UBAP2: variants seen among roughly 807,000 people sequenced by gnomAD.
The protein encoded by UBAP2 is ubiquitin associated protein 2.
UBAP2 carries 75 observed loss-of-function variants against 139.6 expected under a neutral mutation model. The observed-to-expected ratio is 0.54, with a 90% confidence interval of 0.45 to 0.65. The LOEUF (loss-of-function observed/expected upper bound fraction) is 0.65. Ranked by LOEUF, UBAP2 falls within the 30% of genes least tolerant of loss-of-function variation. The probability of loss-of-function intolerance (pLI) is 0.00; values close to 1 mark genes in which losing one functional copy is unlikely to be tolerated. For missense variants in UBAP2, 1,368 were observed against 1,369.6 expected (o/e 1.00, Z 0.02); for synonymous variants, 526 against 526.2 (o/e 1.00, Z 0.01).
chr9:33,975,751 G>A (rs529735371), intron 6 of UBAP2, among the ~76,000 whole-genome samples: 6 of 147,698 alleles, frequency 4.1e-5, no homozygotes, highest in Non-Finnish European at 8.9e-5. Context: ...GCAGTGAGCC[G>A]AGATCACAAC....
Position 33,943,586 on chromosome 9 carries a change from G to A in UBAP2, c.1549C>T (p.Pro517Ser). 6.2e-7 allele frequency: 1 copy of A among 1,613,780 alleles called. No individual in the cohort carries two copies. The highest frequency in any genetic ancestry group is 8.5e-7 in the Non-Finnish European group (1 of 1,179,912). Residue 517 changes from proline (P) to serine (S), a missense_variant, in exon 15 of 29, where the codon CCA (proline) becomes TCA (serine). By Grantham distance (74) the Pro-to-Ser change is moderately conservative. Coordinates refer to ENST00000379238, the MANE Select transcript of UBAP2 (RefSeq NM_001370062.2). ...CCAGGCATTTCCACTGCAGAAGCTGGGATCTGAAAAAGCAAAGCTGTCGTG... is the reference window on the plus strand; with the variant it reads ...CCAGGCATTTCCACTGCAGAAGCTGAGATCTGAAAAAGCAAAGCTGTCGTG... ...KRRIPPASKI[P>S]ASAVEMPGSA...
At chr9:33,939,171 T>C (rs1824860238) in intron 16 of UBAP2, among the ~76,000 whole-genome samples, 1 of 149,402 alleles carries the variant, frequency 6.7e-6, no homozygotes, top group Non-Finnish European at 1.5e-5. Flanking sequence ...CTTAATAACA[T>C]TATTTGATTT....
intron 2 of UBAP2, among the ~76,000 whole-genome samples, chr9:34,013,523 C>T (rs1472883090): frequency 6.6e-6 from 1 of 151,884 alleles, no homozygotes; most frequent in Non-Finnish European, 1.5e-5. Flanking sequence ...CATCATGCAA[C>T]CTGAATAGGT....
At chr9:33,931,709 TC>T (rs1236149550) in intron 19 of UBAP2, among the ~76,000 whole-genome samples, 3 of 152,142 alleles carry the variant, frequency 2.0e-5, no homozygotes, top group African/African-American at 7.2e-5. Flanking sequence ...GGACAGGATG[TC>T]CCTTTTCCAC....
At chr9:33,959,120 C>A (rs1472407087) in intron 10 of UBAP2, among the ~76,000 whole-genome samples, 1 of 151,752 alleles carries the variant, frequency 6.6e-6, no homozygotes, top group Non-Finnish European at 1.5e-5. Context: ...TGCACTCCAG[C>A]CTGGTGACAG....
intron 20 of UBAP2, 136 bp downstream of exon 20, chr9:33,927,661 C>G (rs1028221352): frequency 4.6e-6 from 4 of 866,542 alleles, no homozygotes; most frequent in Admixed American, 6.3e-5. Flanking sequence ...GGAGATTGGG[C>G]CTCAAGGTCA....
rs571025660 is a variant in UBAP2 at position 34,016,161 on chromosome 9, A to AGAG, written c.99+886_99+888dup. The stretch of plus-strand genomic sequence containing the variant: ...GGGAAGCAGAGCAAGGTGAAAGGGG[A>AGAG]GAGGAGGAGGAGGAGGAGGAAGAGG... On this transcript the variant is annotated intron_variant, in intron 2 of 28. Transcript: ENST00000379238. Among the ~76,000 whole-genome samples the AGAG allele has an allele frequency of 1.7e-3, 255 of 149,238 alleles. 1 individual carries two copies. The highest frequency in any genetic ancestry group is 3.4e-3 in the Middle Eastern group (1 of 292).
At chr9:33,997,874 G>A (rs1178787742) in intron 3 of UBAP2, 1 of 152,134 alleles carries the variant, frequency 6.6e-6, no homozygotes, top group Non-Finnish European at 1.5e-5. Flanking sequence ...AGATTTCATT[G>A]TGAGACCTTT....
intron 9 of UBAP2, 52 bp downstream of exon 9, chr9:33,963,670 TGCAA>T: frequency 9.2e-7 from 1 of 1,081,392 alleles, no homozygotes; most frequent in Non-Finnish European, 1.4e-6. Context: ...TGAAAGATAT[TGCAA>T]GCAATTTATA....
intron 1 of UBAP2, among the ~76,000 whole-genome samples, chr9:34,039,222 G>A (rs1298926452): frequency 3.3e-5 from 5 of 149,658 alleles, no homozygotes; most frequent in African/African-American, 4.9e-5. Flanking sequence ...CAGCCGCCCC[G>A]TTGGGGAGTT....
Position 33,950,921 on chromosome 9 carries a change from A to G in UBAP2, c.1057-2334T>C, listed in dbSNP as rs368107713. 7.9e-5 allele frequency among the ~76,000 whole-genome samples: 12 copies of G among 152,368 alleles called. 1 individual carries two copies. The South Asian group carries it at 2.5e-3, about 32-fold the overall frequency. The stretch of plus-strand genomic sequence containing the variant: ...CATGTGCATACATGCACATACACAC[A>G]AACACACACAGTGCCCAAATCCCAA... On this transcript the variant is annotated intron_variant, in intron 12 of 28. Coordinates refer to ENST00000379238, the MANE Select transcript of UBAP2 (RefSeq NM_001370062.2).
rs1823184257 is a variant in UBAP2 at position 33,923,968 on chromosome 9, C to T, written c.2623G>A (p.Ala875Thr). ...GGTGTGGTAGCGGGTGCAGGGGATGCAGAGTCCCCACGGCCAAACTTTGTG... is the reference window on the plus strand; with the variant it reads ...GGTGTGGTAGCGGGTGCAGGGGATGTAGAGTCCCCACGGCCAAACTTTGTG... ...DVTKFGRGDSASPAPATTPAQ... is the reference protein window; with the variant it reads ...DVTKFGRGDSTSPAPATTPAQ... The change falls in exon 24 of 29, where the codon GCA becomes ACA. Residue 875 changes from alanine (A) to threonine (T), a missense_variant. Physicochemically the swap from Ala to Thr is moderately conservative, Grantham distance 58. Coordinates refer to ENST00000379238, the MANE Select transcript of UBAP2 (RefSeq NM_001370062.2). 1 of 1,613,986 alleles carries T rather than the reference C, an allele frequency of 6.2e-7. No individual in the cohort carries two copies. The highest frequency in any genetic ancestry group is 2.2e-5 in the East Asian group (1 of 44,876).
At chr9:33,989,203 CTTTTTTTTTTTTT>C in intron 4 of UBAP2, 77 bp from the exon 5 acceptor site, 1 of 1,187,626 alleles carries the variant, frequency 8.4e-7, no homozygotes, top group Non-Finnish European at 1.1e-6. Context: ...ATGTATCTTT[CTTTTTTTTTTTTT>C]TTTTGAGACG....
chr9:33,968,632 G>A (rs540758876), intron 8 of UBAP2: 10 of 264,540 alleles, frequency 3.8e-5, no homozygotes, highest in East Asian at 1.7e-4. Context: ...ATAATCATAC[G>A]GATTTTTCTC....
Position 33,971,732 on chromosome 9 carries a change from A to C in UBAP2, c.598T>G (p.Ser200Ala). Residue 200 changes from serine (S) to alanine (A), a missense_variant, in exon 8 of 29, where the codon TCA becomes GCA. Coordinates refer to ENST00000379238, the MANE Select transcript of UBAP2 (RefSeq NM_001370062.2). ...GMGTFNPADY[S>A]DSTSTDVCGT... ...CACACATCTGTAGATGTAGAATCTG[A>C]ATAGTCTGCAGGATTAAATGTCCTG... The C allele has an allele frequency of 6.2e-7, 1 of 1,610,110 alleles. No individual in the cohort carries two copies. The highest frequency in any genetic ancestry group is 1.7e-4 in the Middle Eastern group (1 of 6,058).
At chr9:34,017,983 T>A (rs574167746) in intron 1 of UBAP2, among the ~76,000 whole-genome samples, 1 of 152,174 alleles carries the variant, frequency 6.6e-6, no homozygotes, top group Admixed American at 6.6e-5. Context: ...CAAACATTTA[T>A]TGACTAGCTA....
rs769305576 is a variant in UBAP2 at position 33,924,215 on chromosome 9, G to T, written c.2581C>A (p.Pro861Thr). ...CATTGAGCAAACTCACCTGGATATG[G>T]ATTATTAGCTAGGCTCCCATCTCGG... is the stretch of plus-strand genomic sequence containing the variant. ...ASRDGSLANN[P>T]YPGDVTKFGR... is the part of the protein sequence containing the mutation. The change falls in exon 23 of 29, where the codon CCA becomes ACA. Residue 861 changes from proline to threonine, a missense_variant. Pro to Thr is a conservative substitution (Grantham distance 38). Transcript: ENST00000379238. 3 of 1,614,196 alleles carry T rather than the reference G, an allele frequency of 1.9e-6. No individual in the cohort carries two copies. In the East Asian group the frequency reaches 6.7e-5, roughly 36 times the overall value.
intron 8 of UBAP2, chr9:33,968,501 C>T (rs763893418): frequency 4.3e-5 from 22 of 515,812 alleles, no homozygotes; most frequent in Non-Finnish European, 7.7e-5. Flanking sequence ...TAATGGGACG[C>T]GGTACAAAGT....
intron 6 of UBAP2, among the ~76,000 whole-genome samples, chr9:33,985,420 A>G (rs1821120116): frequency 6.6e-6 from 1 of 152,196 alleles, no homozygotes; most frequent in South Asian, 2.1e-4. Context: ...AATCAACCTA[A>G]GTGTTCATCA....
Sources: gnomAD v4.1 joint callset for allele counts (sites outside exome capture counted in the v4.1 genomes callset) on GRCh38, gnomAD v4.1.1 for gene constraint, MANE v1.5 for transcripts, NCBI Gene and HGNC (gene_info 2026-07-23, HGNC 2026-07-21) for gene names.